The following PLCZ1 variants were observed in gnomAD, a reference collection of about 807,000 sequenced individuals.
The protein encoded by PLCZ1 is 1-phosphatidylinositol 4,5-bisphosphate phosphodiesterase zeta-1.
A neutral mutation model predicts 76.8 loss-of-function variants in PLCZ1; 64 were observed. That is an observed-to-expected ratio of 0.83 (90% CI 0.68 to 1.03). PLCZ1 has a LOEUF of 1.03. PLCZ1 is among the 50% of genes least tolerant of loss of function. PLCZ1 has a pLI of 0.00. For missense variants in PLCZ1, 751 were observed against 713.7 expected, an observed-to-expected ratio of 1.05 and a Z score of -0.60; for synonymous variants, 248 against 230.8, an observed-to-expected ratio of 1.07 and a Z score of -0.68.
the PLCZ1 span, among the ~76,000 whole-genome samples, chr12:18,658,992 G>GCTCT: frequency 3.3e-5 from 5 of 152,078 alleles, no homozygotes; most frequent in African/African-American, 7.2e-5. Context: ...AATAACTCAT[G>GCTCT]CTCTATGACT....
chr12:18,670,311 CA>C, the PLCZ1 span, among the ~76,000 whole-genome samples: 1 of 151,704 alleles, frequency 6.6e-6, no homozygotes, highest in Non-Finnish European at 1.5e-5. Flanking sequence ...CACACACACA[CA>C]ACATCAGAAA....
chr12:18,658,028 G>A, the PLCZ1 span, among the ~76,000 whole-genome samples: 18 of 152,080 alleles, frequency 1.2e-4, no homozygotes, highest in Non-Finnish European at 1.9e-4. Flanking sequence ...AAAAATTCTG[G>A]ATTAAAAAAT....
At position 18,717,852 on chromosome 12, in the gene PLCZ1, T is replaced by C. The variant is rs114403511; in HGVS notation, c.569+1579A>G. Among the ~76,000 whole-genome samples, 333 of 152,310 alleles carry C rather than the reference T, an allele frequency of 2.2e-3. 1 individual carries two copies. The highest frequency in any genetic ancestry group is 7.5e-3 in the African/African-American group (311 of 41,580). ...TTATAATTTTTCAACATTATGATAA[T>C]GCAAAGAAAATACGCATTCAGTGGA... On this transcript the variant is annotated intron_variant, in intron 5 of 14. Coordinates refer to ENST00000266505, the MANE Select transcript of PLCZ1 (RefSeq NM_033123.4).
intron 3 of PLCZ1, among the ~76,000 whole-genome samples, chr12:18,734,922 G>A (rs1959186941): frequency 6.6e-6 from 1 of 152,104 alleles, no homozygotes; most frequent in African/African-American, 2.4e-5. Context: ...ACTTTAATGT[G>A]TTAAGTTCCT....
chr12:18,682,950 T>A (rs1952565287), downstream of PLCZ1, among the ~76,000 whole-genome samples: 1 of 152,014 alleles, frequency 6.6e-6, no homozygotes, highest in Non-Finnish European at 1.5e-5. Context: ...CAAAAGCTTA[T>A]AAATTCTAGT....
chr12:18,666,255 C>T, the PLCZ1 span, among the ~76,000 whole-genome samples: 2 of 150,678 alleles, frequency 1.3e-5, no homozygotes, highest in Non-Finnish European at 2.9e-5. Context: ...TCTTTAATTT[C>T]ATTAAATATA....
At chr12:18,723,577 A>G (rs779871685) in intron 3 of PLCZ1, 35 bp from the exon 4 acceptor site, 3 of 1,485,626 alleles carry the variant, frequency 2.0e-6, no homozygotes, top group South Asian at 2.3e-5. Context: ...TCACATTGTG[A>G]GTATAAAAAA....
chr12:18,646,827 C>T, the PLCZ1 span, among the ~76,000 whole-genome samples: 12 of 152,092 alleles, frequency 7.9e-5, no homozygotes, highest in African/African-American at 2.6e-4. Context: ...TATGCCTTTA[C>T]GTTGCTTTAC....
At chr12:18,693,312 GC>G (rs1565664451) in intron 12 of PLCZ1, 1 of 1,536,202 alleles carries the variant, frequency 6.5e-7, no homozygotes, top group South Asian at 1.1e-5. Flanking sequence ...GGTGGAAAAG[GC>G]CCCCCAAGAG....
chr12:18,651,103 A>C, the PLCZ1 span, among the ~76,000 whole-genome samples: 6 of 151,640 alleles, frequency 4.0e-5, no homozygotes, highest in Non-Finnish European at 8.8e-5. Flanking sequence ...TCTGATTTTA[A>C]CTCTTATTAT....
the PLCZ1 span, among the ~76,000 whole-genome samples, chr12:18,650,297 CT>C: frequency 4.7e-4 from 6 of 12,678 alleles, 1 homozygote; most frequent in South Asian, 0.054. Flanking sequence ...CCAAATTTCT[CT>C]CTCTCTCTCT....
intron 5 of PLCZ1, among the ~76,000 whole-genome samples, chr12:18,713,287 A>G (rs1232827193): frequency 1.3e-5 from 2 of 152,118 alleles, no homozygotes; most frequent in African/African-American, 4.8e-5. Flanking sequence ...CCTGCTCCAT[A>G]GTTGTAGCTC....
rs1592266527 is a variant in PLCZ1 at position 18,723,328 on chromosome 12, T to G, written c.350A>C (p.Tyr117Ser). The G allele has an allele frequency of 1.2e-6, 2 of 1,611,842 alleles. No homozygotes were observed. The stretch of plus-strand genomic sequence containing the variant: ...AAACATACCTTCTTCGATAGGCTCG[T>G]ATTTCTGAATGATCTCAAAAGCAAT... The part of the protein sequence containing the change: ...KAIAFEIIQK[Y>S]EPIEEVRKAH... The change falls in exon 4 of 15, where the codon TAC becomes TCC. Residue 117 changes from tyrosine to serine, a missense_variant. Coordinates refer to ENST00000266505, the MANE Select transcript of PLCZ1 (RefSeq NM_033123.4).
chr12:18,671,297 A>T, the PLCZ1 span, among the ~76,000 whole-genome samples: 1 of 152,164 alleles, frequency 6.6e-6, no homozygotes, highest in Non-Finnish European at 1.5e-5. Flanking sequence ...ACTGCTATGC[A>T]CCATACAGAG....
chr12:18,723,292 G>A lies in PLCZ1; in HGVS notation c.367+19C>T. ...TTCACATATAAATATTCCGATAAAA[G>A]TTTGAAATGCAAACATACCTTCTTC... On this transcript the variant is annotated intron_variant, in intron 4 of 14. Coordinates refer to ENST00000266505, the MANE Select transcript of PLCZ1 (RefSeq NM_033123.4). The A allele has an allele frequency of 1.3e-6, 2 of 1,585,964 alleles. No individual in the cohort carries two copies. Among genetic ancestry groups the A allele is most frequent in the Non-Finnish European group, 1.7e-6 (2 of 1,158,200 alleles).
the PLCZ1 span, among the ~76,000 whole-genome samples, chr12:18,650,429 AT>A: frequency 6.9e-6 from 1 of 145,724 alleles, no homozygotes; most frequent in Non-Finnish European, 1.5e-5. Context: ...TTACATAGGA[AT>A]TTTTTTAATC....
At position 18,732,178 on chromosome 12, in the gene PLCZ1, G is replaced by T. The variant is rs557643661; in HGVS notation, c.135+4043C>A. The stretch of plus-strand genomic sequence containing the variant: ...CTCTTAATTATTTTTTCCCCACAGG[G>T]TCTCTCTTTGTCACCCAGGCTAGAG... On this transcript the variant is annotated intron_variant, in intron 3 of 14. Coordinates refer to ENST00000266505, the MANE Select transcript of PLCZ1 (RefSeq NM_033123.4). 8.6e-5 allele frequency among the ~76,000 whole-genome samples: 13 copies of T among 151,886 alleles called. No homozygotes were observed. In the South Asian group the frequency reaches 1.2e-3, roughly 15 times the overall value.
At chr12:18,648,237 G>A in the PLCZ1 span, 2 of 308,784 alleles carry the variant, frequency 6.5e-6, no homozygotes, top group Non-Finnish European at 5.9e-6. Context: ...CTTCAGTGGA[G>A]TACTGATTGC....
At position 18,734,908 on chromosome 12, in the gene PLCZ1, A is replaced by G. The variant is rs996017579; in HGVS notation, c.135+1313T>C. ...GATATTAGCTGTAAGCTTTTCATAT[A>G]TGGACTTTAATGTGTTAAGTTCCTT... On this transcript the variant is annotated intron_variant, in intron 3 of 14. Transcript: ENST00000266505. Among the ~76,000 whole-genome samples, 5 of 152,178 alleles carry G rather than the reference A, an allele frequency of 3.3e-5. No individual in the cohort carries two copies. The South Asian group carries it at 6.2e-4, about 19-fold the overall frequency.
Sources: allele counts gnomAD v4.1 joint callset (sites outside exome capture counted in the v4.1 genomes callset), GRCh38; gene constraint gnomAD v4.1.1; transcripts MANE v1.5; gene names NCBI Gene and HGNC (gene_info 2026-07-23, HGNC 2026-07-21).